PNPLA1: variants seen among roughly 807,000 people sequenced by gnomAD.
The protein encoded by PNPLA1 is omega-hydroxyceramide transacylase.
PNPLA1 carries 36 observed loss-of-function variants against 51.7 expected under a neutral mutation model. The ratio of observed to expected loss-of-function variants is 0.70; its 90% CI spans 0.53 to 0.92. The LOEUF is 0.92. PNPLA1 is among the 40% of genes least tolerant of loss of function. The probability of loss-of-function intolerance (pLI) is 0.00; values close to 1 mark genes in which losing one functional copy is unlikely to be tolerated. For missense variants in PNPLA1, 658 were observed against 682.5 expected (o/e 0.96, Z 0.40); for synonymous variants, 293 against 280.1 (o/e 1.05, Z -0.46).
rs533727244 is a variant in PNPLA1, at chr6:36,312,938, G to A, written c.*1052G>A. Reference sequence around the variant, plus strand: ...AAACTCTTGGGGGCCCAGCAGGACTGAGCCAACGACACGCTTCCTCTTTCT... The same window carrying A: ...AAACTCTTGGGGGCCCAGCAGGACTAAGCCAACGACACGCTTCCTCTTTCT... On this transcript the variant is annotated 3_prime_UTR_variant, in exon 9 of 9. Transcript: ENST00000636260. Among the ~76,000 whole-genome samples the A allele has an allele frequency of 2.5e-4, 38 of 152,296 alleles. No homozygotes were observed. Among genetic ancestry groups the A allele is most frequent in the African/African-American group, 9.1e-4 (38 of 41,548 alleles).
intron 2 of PNPLA1, among the ~76,000 whole-genome samples, chr6:36,292,290 C>T (rs912861354): frequency 6.6e-6 from 1 of 152,154 alleles, no homozygotes; most frequent in African/African-American, 2.4e-5. Context: ...GACACCACCT[C>T]CGTCCCTCAG....
chr6:36,300,176 TGTGAGAGA>T (rs1452322510), intron 5 of PNPLA1, among the ~76,000 whole-genome samples: 3 of 72,098 alleles, frequency 4.2e-5, no homozygotes, highest in African/African-American at 1.2e-4. Flanking sequence ...TGTGTGTGTG[TGTGAGAGA>T]GAGAGAGAGA....
intron 1 of PNPLA1, among the ~76,000 whole-genome samples, chr6:36,262,528 TG>T (rs1459442465): frequency 2.6e-5 from 4 of 152,198 alleles, no homozygotes; most frequent in Middle Eastern, 3.2e-3. Context: ...GAAGTAACAA[TG>T]AAAACAACAC....
At position 36,291,408 on chromosome 6, in the gene PNPLA1, G is replaced by C. The variant is rs372100903; in HGVS notation, c.294G>C (p.Gln98His). 2 of 1,614,066 alleles carry C rather than the reference G, an allele frequency of 1.2e-6. No individual in the cohort carries two copies. The highest frequency in any genetic ancestry group is 1.3e-5 in the African/African-American group (1 of 74,926). Residue 98 changes from glutamine (Q) to histidine (H), a missense_variant, in exon 2 of 9, where the codon CAG (glutamine) becomes CAC (histidine). Coordinates refer to ENST00000636260, the MANE Select transcript of PNPLA1 (RefSeq NM_001374623.1). ...GPLSPSCKMVQMMRQFLYRVL... is the reference protein window; with the variant it reads ...GPLSPSCKMVHMMRQFLYRVL... ...TGTCCCCGTCCTGTAAGATGGTGCA[G>C]ATGATGAGGCAGTTTCTGTACCGGG...
At chr6:36,285,820 T>C (rs1770470215) in intron 1 of PNPLA1, among the ~76,000 whole-genome samples, 1 of 152,128 alleles carries the variant, frequency 6.6e-6, no homozygotes, top group Admixed American at 6.5e-5. Context: ...CCTTTGATGA[T>C]TTTTCTAGCC....
chr6:36,255,789 T>C (rs1000128739), intron 1 of PNPLA1, among the ~76,000 whole-genome samples: 5 of 152,232 alleles, frequency 3.3e-5, no homozygotes, highest in African/African-American at 1.2e-4. Context: ...TTTGTAGTAG[T>C]TTTTTCTTTA....
chr6:36,307,566 C>T, intron 7 of PNPLA1, 21 bp from the exon 8 acceptor site: 3 of 1,611,584 alleles, frequency 1.9e-6, no homozygotes, highest in Middle Eastern at 1.7e-4. Flanking sequence ...AATGAACCAT[C>T]TACTTAATCT....
chr6:36,297,564 C>T (rs923837264), intron 5 of PNPLA1, among the ~76,000 whole-genome samples: 2 of 152,180 alleles, frequency 1.3e-5, no homozygotes, highest in African/African-American at 2.4e-5. Flanking sequence ...TCTTTCTCCT[C>T]CCTCCCAAGG....
chr6:36,252,988 C>T (rs1769455581), intron 1 of PNPLA1, among the ~76,000 whole-genome samples: 1 of 152,074 alleles, frequency 6.6e-6, no homozygotes, highest in Non-Finnish European at 1.5e-5. Flanking sequence ...CGAAACCAGC[C>T]TGGGCAACAC....
chr6:36,249,058 T>G (rs1769368032), intron 1 of PNPLA1, among the ~76,000 whole-genome samples: 1 of 152,138 alleles, frequency 6.6e-6, no homozygotes, highest in East Asian at 1.9e-4. Flanking sequence ...TGCTGCTTAG[T>G]TTTTGCTAGG....
At chr6:36,262,512 G>C (rs528937494) in intron 1 of PNPLA1, among the ~76,000 whole-genome samples, 5 of 152,204 alleles carry the variant, frequency 3.3e-5, no homozygotes, top group Non-Finnish European at 7.3e-5. Flanking sequence ...TTTGTTTACT[G>C]TAATGGAAGT....
At chr6:36,301,823 C>A (rs367595414) in intron 5 of PNPLA1, 38 bp from the exon 6 acceptor site, 5 of 1,587,150 alleles carry the variant, frequency 3.2e-6, no homozygotes, top group Admixed American at 1.7e-5. Flanking sequence ...ATGCTGCTGC[C>A]AGGGCTGAGT....
rs1318948903 is a variant in PNPLA1 at position 36,313,688 on chromosome 6, G to A, written c.*1802G>A. Among the ~76,000 whole-genome samples, 1 of 152,144 alleles carries A rather than the reference G, an allele frequency of 6.6e-6. No individual in the cohort carries two copies. Among genetic ancestry groups the A allele is most frequent in the African/African-American group, 2.4e-5 (1 of 41,446 alleles). ...GAAGCAGCTGGAGGTGTGTACTGTG[G>A]GGGAGACTGACTAGAGAGGCCCGCC... On this transcript the variant is annotated 3_prime_UTR_variant, in exon 9 of 9. Coordinates refer to ENST00000636260, the MANE Select transcript of PNPLA1 (RefSeq NM_001374623.1).
intron 1 of PNPLA1, among the ~76,000 whole-genome samples, chr6:36,255,810 C>T (rs1453037234): frequency 3.3e-5 from 5 of 152,144 alleles, no homozygotes; most frequent in African/African-American, 1.2e-4. Flanking sequence ...ATAACAATGC[C>T]GCTAACATCT....
chr6:36,280,739 A>G (rs1474433055), intron 1 of PNPLA1, among the ~76,000 whole-genome samples: 1 of 152,040 alleles, frequency 6.6e-6, no homozygotes, highest in Non-Finnish European at 1.5e-5. Context: ...TGTGAGTTCA[A>G]CCATGTCTTG....
At chr6:36,310,151 G>A (rs1256666320) in intron 8 of PNPLA1, among the ~76,000 whole-genome samples, 1 of 152,218 alleles carries the variant, frequency 6.6e-6, no homozygotes, top group East Asian at 1.9e-4. Flanking sequence ...ACAAACATTT[G>A]TGTTTCTCTT....
At chr6:36,244,215 T>A (rs903550876) in intron 1 of PNPLA1, among the ~76,000 whole-genome samples, 4 of 152,184 alleles carry the variant, frequency 2.6e-5, no homozygotes, top group African/African-American at 9.7e-5. Context: ...CAAAAGGATA[T>A]ACAGTGATAA....
chr6:36,295,224 TG>T, intron 4 of PNPLA1, 139 bp from the exon 5 acceptor site: 1 of 787,378 alleles, frequency 1.3e-6, no homozygotes, highest in Non-Finnish European at 2.2e-6. Context: ...CAGTGAGGGA[TG>T]GGACACTGGA....
chr6:36,281,571 C>T (rs1432693620), intron 1 of PNPLA1, among the ~76,000 whole-genome samples: 3 of 152,164 alleles, frequency 2.0e-5, no homozygotes, highest in Non-Finnish European at 4.4e-5. Context: ...AGATAATTTT[C>T]CCAGGTTTAT....
Sources: gnomAD v4.1 joint callset for allele counts (sites outside exome capture counted in the v4.1 genomes callset) on GRCh38, gnomAD v4.1.1 for gene constraint, MANE v1.5 for transcripts, NCBI Gene and HGNC (gene_info 2026-07-23, HGNC 2026-07-21) for gene names.